The following PALM2AKAP2 variants were observed in gnomAD, a reference collection of about 807,000 sequenced individuals.
PALM2AKAP2 encodes the protein PALM2-AKAP2 fusion protein.
PALM2AKAP2 carries 37 observed loss-of-function variants against 71.5 expected under a neutral mutation model. That is an observed-to-expected ratio of 0.52 (90% CI 0.40 to 0.68). PALM2AKAP2 has a LOEUF of 0.68. Among genes scored for constraint, PALM2AKAP2 ranks in the 30% least tolerant of loss-of-function variants. The probability of loss-of-function intolerance (pLI) is 0.00; values close to 1 mark genes in which losing one functional copy is unlikely to be tolerated. For synonymous variants in PALM2AKAP2, 468 were observed against 478.8 expected, an observed-to-expected ratio of 0.98 and a Z score of 0.29; for missense variants, 1,224 against 1,191.8, an observed-to-expected ratio of 1.03 and a Z score of -0.40.
chr9:109,830,179 T>G (rs1274118375), intron 1 of PALM2AKAP2, among the ~76,000 whole-genome samples: 1 of 152,210 alleles, frequency 6.6e-6, no homozygotes, highest in Non-Finnish European at 1.5e-5. Context: ...GGACTCTTTG[T>G]GAGACAGTGT....
chr9:110,003,602 G>A (rs10816916), intron 6 of PALM2AKAP2, among the ~76,000 whole-genome samples: 28,152 of 151,906 alleles, frequency 0.19, 2,756 homozygotes, highest in Admixed American at 0.23. Flanking sequence ...TTTCTGTCTC[G>A]TTGATCTGTC....
rs149672913 is a variant in PALM2AKAP2, at chr9:110,023,305, C to CTTTTTTTTTTTTTTTTTT, written c.582+7275_582+7292dup. Among the ~76,000 whole-genome samples, 25 of 74,046 alleles carry CTTTTTTTTTTTTTTTTTT rather than the reference C, an allele frequency of 3.4e-4. 4 individuals carry two copies. The highest frequency in any genetic ancestry group is 1.2e-3 in the African/African-American group (20 of 16,188). The allele number at this position is 74,046 out of a possible 152,430, so 48.6% of individuals were successfully genotyped here. A position where few individuals can be genotyped will look rare whatever the true frequency, so the allele number is the denominator to read the frequency against. ...GTGAGATGGTATCTCATTGTGGTTT[C>CTTTTTTTTTTTTTTTTTT]TTTTTTTTTTTTTTTTTTTTTTTTT... is the stretch of plus-strand genomic sequence containing the variant. On this transcript the variant is annotated intron_variant, in intron 7 of 9. Transcript: ENST00000302798.
chr9:109,837,107 A>C (rs1828502514), intron 1 of PALM2AKAP2, among the ~76,000 whole-genome samples: 1 of 152,214 alleles, frequency 6.6e-6, no homozygotes, highest in African/African-American at 2.4e-5. Flanking sequence ...ATGAAGGAAA[A>C]AATGTTAAGG....
At chr9:109,984,696 CT>C (rs35425431) in intron 6 of PALM2AKAP2, among the ~76,000 whole-genome samples, 49,839 of 136,624 alleles carry the variant, frequency 0.36, 9,189 homozygotes, top group Non-Finnish European at 0.43. Context: ...AGCTCTATAA[CT>C]TTTTTTTTTT....
rs550223942 is a variant in PALM2AKAP2 at position 109,713,654 on chromosome 9, C to T, written c.6-66834C>T. Among the ~76,000 whole-genome samples the T allele has an allele frequency of 2.0e-4, 30 of 152,198 alleles. 1 individual carries two copies. Among genetic ancestry groups the T allele is most frequent in the Non-Finnish European group, 3.8e-4 (26 of 68,020 alleles). Reference sequence around the variant, plus strand: ...TCAAAAATCTCATTAGCAAGCAGATCTGAAGAAACGACATGGTGTATGACT... The same window carrying T: ...TCAAAAATCTCATTAGCAAGCAGATTTGAAGAAACGACATGGTGTATGACT... On this transcript the variant is annotated intron_variant, in intron 1 of 6. Transcript: ENST00000374531.
intron 1 of PALM2AKAP2, among the ~76,000 whole-genome samples, chr9:109,701,730 C>T (rs1001822756): frequency 7.2e-5 from 11 of 152,206 alleles, no homozygotes; most frequent in African/African-American, 2.6e-4. Context: ...CAACAAAAGC[C>T]AAAATTGACA....
intron 7 of PALM2AKAP2, among the ~76,000 whole-genome samples, chr9:110,018,511 A>G (rs974686068): frequency 6.6e-6 from 1 of 151,974 alleles, no homozygotes; most frequent in Non-Finnish European, 1.5e-5. Context: ...TCGTATTTTT[A>G]GTAAAGATGG....
chr9:109,780,205 G>C (rs1829415458), upstream of PALM2AKAP2: 1 of 927,784 alleles, frequency 1.1e-6, no homozygotes, highest in Non-Finnish European at 1.3e-6. Flanking sequence ...GGCGTCCCAC[G>C]TCCTCGGCTG....
intron 2 of PALM2AKAP2, among the ~76,000 whole-genome samples, chr9:110,149,175 A>C (rs114874354): frequency 6.6e-6 from 1 of 152,242 alleles, no homozygotes; most frequent in Non-Finnish European, 1.5e-5. Flanking sequence ...ACACCAATTT[A>C]TGCTTTCCCA....
chr9:109,673,619 A>G (rs1827607018), intron 1 of PALM2AKAP2, among the ~76,000 whole-genome samples: 2 of 152,002 alleles, frequency 1.3e-5, no homozygotes, highest in South Asian at 2.1e-4. Flanking sequence ...TTTCCATTTA[A>G]TCGAGTGCTG....
intron 1 of PALM2AKAP2, among the ~76,000 whole-genome samples, chr9:109,695,030 A>C (rs974983792): frequency 6.6e-6 from 1 of 152,166 alleles, no homozygotes; most frequent in Non-Finnish European, 1.5e-5. Flanking sequence ...TACCACAATA[A>C]ATTCCAGCCA....
intron 1 of PALM2AKAP2, among the ~76,000 whole-genome samples, chr9:110,119,340 TCAAAAA>T (rs1835434574): frequency 1.2e-5 from 1 of 84,800 alleles, no homozygotes; most frequent in African/African-American, 4.8e-5. Context: ...AGACTCCATC[TCAAAAA>T]AAAAAAAAAA....
chr9:109,928,429 A>G (rs762449381), intron 5 of PALM2AKAP2, among the ~76,000 whole-genome samples: 4 of 152,170 alleles, frequency 2.6e-5, no homozygotes, highest in African/African-American at 4.8e-5. Flanking sequence ...CTTCTCTGTC[A>G]GTGGGGAGAA....
chr9:109,835,864 G>T (rs1405601655), intron 1 of PALM2AKAP2, among the ~76,000 whole-genome samples: 1 of 152,194 alleles, frequency 6.6e-6, no homozygotes, highest in Non-Finnish European at 1.5e-5. Flanking sequence ...GCTTGAGTAG[G>T]TAAACAAAGT....
At chr9:109,762,655 G>A (rs900314371) in intron 1 of PALM2AKAP2, among the ~76,000 whole-genome samples, 3 of 150,030 alleles carry the variant, frequency 2.0e-5, no homozygotes, top group South Asian at 2.1e-4. Context: ...CACTCACTGT[G>A]AGGCAGGAAA....
At chr9:109,844,141 C>A (rs1340260183) in intron 1 of PALM2AKAP2, among the ~76,000 whole-genome samples, 1 of 152,204 alleles carries the variant, frequency 6.6e-6, no homozygotes, top group Admixed American at 6.5e-5. Context: ...ACCCAGGCTT[C>A]AGCTAAGTGC....
At chr9:110,034,250 TG>T (rs1564270605) in intron 7 of PALM2AKAP2, among the ~76,000 whole-genome samples, 3 of 152,036 alleles carry the variant, frequency 2.0e-5, no homozygotes, top group African/African-American at 7.2e-5. Context: ...CTCTGCCTCC[TG>T]GGCTCAAGCA....
intron 1 of PALM2AKAP2, among the ~76,000 whole-genome samples, chr9:109,798,358 G>T (rs894086288): frequency 5.9e-5 from 9 of 152,194 alleles, no homozygotes; most frequent in African/African-American, 2.2e-4. Flanking sequence ...CGCAGTGATG[G>T]TCAAGCGTAC....
chr9:109,856,089 G>C (rs1436606991), intron 1 of PALM2AKAP2, among the ~76,000 whole-genome samples: 1 of 152,122 alleles, frequency 6.6e-6, no homozygotes, highest in Non-Finnish European at 1.5e-5. Flanking sequence ...GCTCACAATT[G>C]TATCATTTAA....
Sources: gnomAD v4.1 joint callset for allele counts (sites outside exome capture counted in the v4.1 genomes callset) on GRCh38, gnomAD v4.1.1 for gene constraint, MANE v1.5 for transcripts, NCBI Gene and HGNC (gene_info 2026-07-23, HGNC 2026-07-21) for gene names.